PTPRK: variants seen among roughly 807,000 people sequenced by gnomAD.
PTPRK encodes the protein protein tyrosine phosphatase receptor type K, also known as receptor-type tyrosine-protein phosphatase kappa.
Under a neutral mutation model 178.0 loss-of-function variants are expected in PTPRK, and 75 were observed. The observed-to-expected ratio is 0.42, with a 90% CI of 0.35 to 0.51. PTPRK has a LOEUF of 0.51. Among genes scored for constraint, PTPRK ranks in the 20% least tolerant of loss-of-function variants. The pLI, the probability that PTPRK is intolerant of heterozygous loss-of-function variation, is 0.02. For missense variants in PTPRK, 1,441 were observed against 1,797.8 expected (o/e 0.80, Z 3.59); for synonymous variants, 637 against 620.6 (o/e 1.03, Z -0.39).
chr6:128,162,823 G>A (rs940724864), intron 7 of PTPRK, among the ~76,000 whole-genome samples: 2 of 151,408 alleles, frequency 1.3e-5, no homozygotes, highest in African/African-American at 2.4e-5. Context: ...TTGTGCCTTC[G>A]GGTTTTCTGT....
chr6:127,996,499 T>G (rs1414427264), intron 17 of PTPRK, among the ~76,000 whole-genome samples: 1 of 152,124 alleles, frequency 6.6e-6, no homozygotes, highest in African/African-American at 2.4e-5. Flanking sequence ...TGAGACAGAG[T>G]CTCGCTTTGT....
rs762401037 is a variant in PTPRK, at chr6:128,089,707, A to G, written c.1448T>C (p.Ile483Thr). 6.2e-7 allele frequency: 1 copy of G among 1,611,896 alleles called. No homozygotes were observed. Among genetic ancestry groups the G allele is most frequent in the Non-Finnish European group, 8.5e-7 (1 of 1,177,944 alleles). ...EGRKESEETI[I>T]QTDEDVPGPV... is the part of the protein sequence containing the mutation. The stretch of plus-strand genomic sequence containing the variant: ...GAGCATACCATCTTCATCAGTTTGA[A>G]TAATTGTCTCTTCACTCTCCTTCCT... Residue 483 changes from isoleucine to threonine, a missense_variant, in exon 8 of 30, where the codon ATT becomes ACT. Physicochemically the swap from Ile to Thr is moderately conservative, Grantham distance 89. Coordinates refer to ENST00000368226, the MANE Select transcript of PTPRK (RefSeq NM_002844.4).
chr6:128,419,667 G>A (rs1032762508), intron 1 of PTPRK, among the ~76,000 whole-genome samples: 21 of 152,022 alleles, frequency 1.4e-4, no homozygotes, highest in Non-Finnish European at 2.5e-4. Flanking sequence ...AATTCAATAG[G>A]AAACCAATCT....
chr6:128,379,304 T>C (rs756275174), intron 2 of PTPRK, among the ~76,000 whole-genome samples: 1 of 152,128 alleles, frequency 6.6e-6, no homozygotes, highest in Non-Finnish European at 1.5e-5. Context: ...CCATGAACCA[T>C]GTGATTGAGT....
chr6:128,241,301 T>C (rs1161590898), intron 4 of PTPRK: 2 of 533,386 alleles, frequency 3.7e-6, no homozygotes, highest in South Asian at 2.8e-5. Context: ...TTACGAACTC[T>C]AGACCAGCAA....
At chr6:128,389,873 T>C (rs1404331866) in intron 2 of PTPRK, among the ~76,000 whole-genome samples, 1 of 152,104 alleles carries the variant, frequency 6.6e-6, no homozygotes, top group Non-Finnish European at 1.5e-5. Context: ...CACTGTAATT[T>C]AGACATTTTT....
At chr6:128,242,856 T>C (rs1814716780) in intron 3 of PTPRK, among the ~76,000 whole-genome samples, 3 of 152,244 alleles carry the variant, frequency 2.0e-5, no homozygotes, top group African/African-American at 7.2e-5. Flanking sequence ...AGTATTGTTA[T>C]ATATCCTGAA....
chr6:128,020,540 A>C (rs1773350607), intron 13 of PTPRK, among the ~76,000 whole-genome samples: 1 of 152,210 alleles, frequency 6.6e-6, no homozygotes, highest in African/African-American at 2.4e-5. Flanking sequence ...TATGTAATTA[A>C]AAGGCAAATG....
chr6:128,286,250 T>C (rs1822487608), intron 3 of PTPRK, among the ~76,000 whole-genome samples: 1 of 152,178 alleles, frequency 6.6e-6, no homozygotes, highest in African/African-American at 2.4e-5. Context: ...CATTGTGCTC[T>C]TCGAACTGTG....
intron 11 of PTPRK, among the ~76,000 whole-genome samples, chr6:128,075,024 T>C (rs1257591938): frequency 1.3e-5 from 2 of 152,046 alleles, no homozygotes; most frequent in Non-Finnish European, 2.9e-5. Flanking sequence ...AATTCTGAGA[T>C]GTCTTTTTGC....
At chr6:128,481,729 G>A (rs1490596754) in intron 1 of PTPRK, among the ~76,000 whole-genome samples, 1 of 151,874 alleles carries the variant, frequency 6.6e-6, no homozygotes, top group Admixed American at 6.6e-5. Flanking sequence ...TTATAATACT[G>A]TTGACTTGTT....
intron 7 of PTPRK, among the ~76,000 whole-genome samples, chr6:128,167,364 A>T (rs996873011): frequency 6.6e-6 from 1 of 151,980 alleles, no homozygotes; most frequent in Admixed American, 6.6e-5. Context: ...AATATTTGCC[A>T]TGCAAGATAT....
intron 1 of PTPRK, among the ~76,000 whole-genome samples, chr6:128,461,413 A>C (rs1297075088): frequency 6.6e-6 from 1 of 152,198 alleles, no homozygotes; most frequent in East Asian, 1.9e-4. Context: ...CATTAAAATA[A>C]ATTTTGCACA....
In PTPRK at chr6:128,414,367, C is replaced by T. The variant is rs150050596; in HGVS notation, c.101-16679G>A. Among the ~76,000 whole-genome samples, 81 of 152,192 alleles carry T rather than the reference C, an allele frequency of 5.3e-4. No individual in the cohort carries two copies. The East Asian group carries it at 0.012, about 23-fold the overall frequency. On this transcript the variant is annotated intron_variant, in intron 1 of 29. Transcript: ENST00000368226. ...ATCGCGGGACCCCTTCTTCCTAGTG[C>T]GGCAGTTCTTTCCCTGTTGCACACC...
chr6:128,080,035 T>A (rs1784535889), intron 10 of PTPRK, among the ~76,000 whole-genome samples: 1 of 146,408 alleles, frequency 6.8e-6, no homozygotes, highest in African/African-American at 2.5e-5. Context: ...GGGGTCACAC[T>A]TTTTTCATTA....
intron 1 of PTPRK, among the ~76,000 whole-genome samples, chr6:128,410,790 C>A (rs1399228416): frequency 1.3e-5 from 2 of 152,192 alleles, no homozygotes; most frequent in Admixed American, 6.5e-5. Flanking sequence ...GGGAGGGGAA[C>A]TGCAGGGTAA....
intron 2 of PTPRK, among the ~76,000 whole-genome samples, chr6:128,332,512 A>T (rs1830410372): frequency 6.6e-6 from 1 of 152,250 alleles, no homozygotes; most frequent in South Asian, 2.1e-4. Context: ...TGACGAGAGG[A>T]ATAGATGGGT....
chr6:128,211,801 G>A (rs1316962495), intron 6 of PTPRK, among the ~76,000 whole-genome samples: 1 of 152,028 alleles, frequency 6.6e-6, no homozygotes, highest in African/African-American at 2.4e-5. Flanking sequence ...TGACTCTCTT[G>A]AAGATGAAGT....
chr6:128,472,321 A>G (rs889669881), intron 1 of PTPRK, among the ~76,000 whole-genome samples: 1 of 151,876 alleles, frequency 6.6e-6, no homozygotes, highest in Non-Finnish European at 1.5e-5. Flanking sequence ...CACCCGAGCT[A>G]CATGCGGCAA....
Sources: gnomAD v4.1 joint callset for allele counts (sites outside exome capture counted in the v4.1 genomes callset) on GRCh38, gnomAD v4.1.1 for gene constraint, MANE v1.5 for transcripts, NCBI Gene and HGNC (gene_info 2026-07-23, HGNC 2026-07-21) for gene names.